FAM227A: variants seen among roughly 807,000 people sequenced by gnomAD.
FAM227A encodes the protein protein FAM227A.
FAM227A carries 80 observed loss-of-function variants against 74.7 expected under a neutral mutation model. The observed-to-expected ratio is 1.07, with a 90% CI of 0.89 to 1.29. FAM227A has a LOEUF of 1.29. Among genes scored for constraint, FAM227A ranks in the 50% most tolerant of loss-of-function variants. The pLI is 0.00. For synonymous variants in FAM227A, 237 were observed against 241.8 expected (o/e 0.98, Z 0.19); for missense variants, 654 against 683.4 (o/e 0.96, Z 0.48).
At chr22:38,654,735 C>G (rs894242741) in intron 1 of FAM227A, among the ~76,000 whole-genome samples, 1 of 149,042 alleles carries the variant, frequency 6.7e-6, no homozygotes, top group Non-Finnish European at 1.5e-5. Flanking sequence ...TCGAGACCAC[C>G]CTGGCTAACA....
At position 38,650,225 on chromosome 22, in the gene FAM227A, T is replaced by G. The variant is rs1438274746; in HGVS notation, c.-57A>C. On this transcript the variant is annotated 5_prime_UTR_variant, in exon 2 of 17. It removes an upstream start codon present in the reference 5' UTR. Transcript: ENST00000535113. ...AGCTTCCACTTTTAAGAGCCTCTCA[T>G]TTCCCACTCCAATCTTGTCGTTTGT... 6.6e-7 allele frequency: 1 copy of G among 1,507,874 alleles called. No homozygotes were observed. Among genetic ancestry groups the G allele is most frequent in the African/African-American group, 1.4e-5 (1 of 72,118 alleles). 93.4% of individuals were successfully genotyped at this position (1,507,874 alleles called of 1,614,324 possible). A position where few individuals can be genotyped will look rare whatever the true frequency, so the allele number is the denominator to read the frequency against.
intron 13 of FAM227A, among the ~76,000 whole-genome samples, chr22:38,604,688 C>T (rs2091247091): frequency 6.6e-6 from 1 of 152,152 alleles, no homozygotes; most frequent in Non-Finnish European, 1.5e-5. Flanking sequence ...GAGTCAGACT[C>T]TGTTGCCCAG....
chr22:38,636,357 T>G, intron 6 of FAM227A, 94 bp downstream of exon 6: 8 of 1,364,496 alleles, frequency 5.9e-6, no homozygotes, highest in Non-Finnish European at 7.9e-6. Context: ...TGGCCCTAGG[T>G]GAGTTCCTCA....
chr22:38,599,224 G>C lies in FAM227A; in HGVS notation c.1379+540C>G, dbSNP rs532161924. 6.6e-5 allele frequency among the ~76,000 whole-genome samples: 10 copies of C among 152,174 alleles called. No individual in the cohort carries two copies. In the South Asian group the frequency reaches 2.1e-3, roughly 32 times the overall value. ...TGATCCGCTCATCTCGGCTCTCACA[G>C]TGCTGGGATTACAGGCGTGAGCTAC... On this transcript the variant is annotated intron_variant, in intron 14 of 16. Transcript: ENST00000535113.
At chr22:38,590,142 G>A (rs1332455650) in intron 16 of FAM227A, among the ~76,000 whole-genome samples, 1 of 151,560 alleles carries the variant, frequency 6.6e-6, no homozygotes, top group Non-Finnish European at 1.5e-5. Flanking sequence ...AGCTGGGCAT[G>A]GTGGCACGCG....
At chr22:38,609,914 G>A (rs2091375732) in intron 11 of FAM227A, among the ~76,000 whole-genome samples, 1 of 152,106 alleles carries the variant, frequency 6.6e-6, no homozygotes, top group African/African-American at 2.4e-5. Flanking sequence ...TGGGACTACG[G>A]GCGCCCGCCA....
chr22:38,614,748 T>A (rs1364808553), intron 11 of FAM227A, among the ~76,000 whole-genome samples: 1 of 152,210 alleles, frequency 6.6e-6, no homozygotes, highest in African/African-American at 2.4e-5. Flanking sequence ...ACTAGGTTCC[T>A]GAAATAACTG....
intron 6 of FAM227A, among the ~76,000 whole-genome samples, chr22:38,633,544 TA>T (rs1431818761): frequency 4.6e-5 from 7 of 152,144 alleles, no homozygotes; most frequent in African/African-American, 7.2e-5. Flanking sequence ...ACAACTATAA[TA>T]TTTTTTTGTT....
chr22:38,595,845 C>T (rs1277146176), intron 15 of FAM227A, among the ~76,000 whole-genome samples: 1 of 152,018 alleles, frequency 6.6e-6, no homozygotes, highest in Non-Finnish European at 1.5e-5. Flanking sequence ...GACCTAATGT[C>T]CAGTGTACAG....
intron 15 of FAM227A, among the ~76,000 whole-genome samples, chr22:38,596,831 A>AG (rs1172611382): frequency 1.3e-5 from 2 of 152,152 alleles, no homozygotes; most frequent in African/African-American, 4.8e-5. Context: ...GGTCTAAAAA[A>AG]CAGACCAACA....
At chr22:38,629,017 C>A (rs1183850994) in intron 6 of FAM227A, 82 bp from the exon 7 acceptor site, 2 of 840,754 alleles carry the variant, frequency 2.4e-6, no homozygotes, top group Admixed American at 5.7e-5. Context: ...TTAGAATGAA[C>A]AGAAAAACCA....
rs538870158 is a variant in FAM227A, at chr22:38,617,756, C to T, written c.1038+2456G>A. 2.0e-5 allele frequency among the ~76,000 whole-genome samples: 3 copies of T among 152,230 alleles called. No individual in the cohort carries two copies. The South Asian group carries it at 6.2e-4, about 32-fold the overall frequency. On this transcript the variant is annotated intron_variant, in intron 11 of 16. Transcript: ENST00000535113. ...TGGCTCACCTATAATTGAAGCACTT[C>T]AGGAGGCTAAAGTAGGAGGATTGCT...
chr22:38,592,633 G>C (rs981040770), intron 15 of FAM227A, among the ~76,000 whole-genome samples: 1 of 151,934 alleles, frequency 6.6e-6, no homozygotes, highest in African/African-American at 2.4e-5. Context: ...CTAAATCATG[G>C]GCTGAAGCTA....
At position 38,631,429 on chromosome 22, in the gene FAM227A, C is replaced by T. The variant is rs1427566260; in HGVS notation, c.520-2494G>A. Among the ~76,000 whole-genome samples, 5 of 152,180 alleles carry T rather than the reference C, an allele frequency of 3.3e-5. No homozygotes were observed. In the East Asian group the frequency reaches 9.7e-4, roughly 29 times the overall value. On this transcript the variant is annotated intron_variant, in intron 6 of 16. Coordinates refer to ENST00000535113, the MANE Select transcript of FAM227A (RefSeq NM_001013647.2). ...GGACGAGGGTTGAAAAATAACTTGT[C>T]TGGTACAATGTTTGTTATTTGGGAA...
chr22:38,653,235 A>C (rs2092346787), intron 1 of FAM227A, among the ~76,000 whole-genome samples: 1 of 152,196 alleles, frequency 6.6e-6, no homozygotes, highest in African/African-American at 2.4e-5. Flanking sequence ...ACTGTCTCTC[A>C]GCACTCCCAG....
chr22:38,618,164 A>G (rs1015976543), intron 11 of FAM227A, among the ~76,000 whole-genome samples: 7 of 152,206 alleles, frequency 4.6e-5, no homozygotes, highest in African/African-American at 1.7e-4. Flanking sequence ...CATAGGAATT[A>G]TTTTGAGCTG....
At chr22:38,608,793 CTTTTTTTTTTT>C (rs35393303) in intron 11 of FAM227A, among the ~76,000 whole-genome samples, 2 of 97,028 alleles carry the variant, frequency 2.1e-5, no homozygotes, top group African/African-American at 4.9e-5. Context: ...ACCCTTGTTC[CTTTTTTTTTTT>C]TTTTTTTTTT....
chr22:38,644,722 G>A (rs1569239093), intron 3 of FAM227A, among the ~76,000 whole-genome samples: 1 of 152,188 alleles, frequency 6.6e-6, no homozygotes, highest in African/African-American at 2.4e-5. Flanking sequence ...TTGTGCATGC[G>A]CAGGAGCAGA....
intron 12 of FAM227A, 71 bp downstream of exon 12, chr22:38,607,318 C>G: frequency 8.2e-7 from 1 of 1,217,354 alleles, no homozygotes; most frequent in Non-Finnish European, 1.2e-6. Context: ...CATACGAACC[C>G]AAGAAACCAG....
Sources: gnomAD v4.1 joint callset for allele counts (sites outside exome capture counted in the v4.1 genomes callset) on GRCh38, gnomAD v4.1.1 for gene constraint, MANE v1.5 for transcripts, NCBI Gene and HGNC (gene_info 2026-07-23, HGNC 2026-07-21) for gene names.